PLPPR1: variants seen among roughly 807,000 people sequenced by gnomAD.
PLPPR1 encodes phospholipid phosphatase-related protein type 1.
In PLPPR1, 10 loss-of-function variants were observed where a neutral mutation model predicts 33.1. The ratio of observed to expected loss-of-function variants is 0.30; its 90% CI spans 0.19 to 0.51. PLPPR1 has a LOEUF of 0.51. Ranked by LOEUF, PLPPR1 falls within the 20% of genes least tolerant of loss-of-function variation. The pLI is 0.97. For synonymous variants in PLPPR1, 151 were observed against 151.0 expected (o/e 1.00, Z 0.00); for missense variants, 304 against 408.1 (o/e 0.74, Z 2.20).
At chr9:101,214,883 C>T (rs1010009378) in intron 2 of PLPPR1, among the ~76,000 whole-genome samples, 1 of 151,872 alleles carries the variant, frequency 6.6e-6, no homozygotes, top group African/African-American at 2.4e-5. Flanking sequence ...CTTAGCCAGG[C>T]ATGGTGGCAG....
intron 3 of PLPPR1, among the ~76,000 whole-genome samples, chr9:101,280,985 C>T (rs1324039261): frequency 6.6e-6 from 1 of 151,942 alleles, no homozygotes; most frequent in Non-Finnish European, 1.5e-5. Context: ...AATTATCCTT[C>T]CTTGCAGACT....
intron 6 of PLPPR1, among the ~76,000 whole-genome samples, chr9:101,314,409 CATTG>C (rs1829014918): frequency 2.0e-5 from 3 of 152,276 alleles, no homozygotes; most frequent in South Asian, 4.1e-4. Context: ...ACATTCAGAA[CATTG>C]ATTGGGAAGC....
chr9:101,141,582 C>A (rs1408921956), intron 1 of PLPPR1, among the ~76,000 whole-genome samples: 1 of 152,100 alleles, frequency 6.6e-6, no homozygotes, highest in East Asian at 1.9e-4. Context: ...CAGGAGGATT[C>A]TATGTTGTAT....
intron 2 of PLPPR1, among the ~76,000 whole-genome samples, chr9:101,254,049 C>T (rs1473209270): frequency 1.3e-5 from 2 of 151,828 alleles, no homozygotes; most frequent in African/African-American, 4.8e-5. Context: ...ACCAGCAGTC[C>T]CCAACATTTT....
intron 2 of PLPPR1, among the ~76,000 whole-genome samples, chr9:101,230,003 T>C (rs781315809): frequency 5.9e-5 from 9 of 152,156 alleles, no homozygotes; most frequent in Non-Finnish European, 1.2e-4. Context: ...ACTACTGCTG[T>C]AAAAATCAGT....
chr9:101,252,135 A>G (rs1827724032), intron 2 of PLPPR1, among the ~76,000 whole-genome samples: 2 of 152,164 alleles, frequency 1.3e-5, no homozygotes, highest in Admixed American at 1.3e-4. Flanking sequence ...GCCAGTAGCT[A>G]TGTATGGCCA....
chr9:101,313,464 A>G (rs1452507882), intron 6 of PLPPR1, among the ~76,000 whole-genome samples: 1 of 151,924 alleles, frequency 6.6e-6, no homozygotes, highest in Middle Eastern at 3.2e-3. Flanking sequence ...AATTTTAAAA[A>G]CCCTGCAGAT....
chr9:101,073,313 T>C (rs1180884597), intron 1 of PLPPR1, among the ~76,000 whole-genome samples: 1 of 152,156 alleles, frequency 6.6e-6, no homozygotes, highest in African/African-American at 2.4e-5. Context: ...ATGTGTTTTG[T>C]TTCAATGACT....
At chr9:101,193,707 C>CTTTT (rs1366476150) in intron 2 of PLPPR1, among the ~76,000 whole-genome samples, 9 of 151,888 alleles carry the variant, frequency 5.9e-5, no homozygotes, top group Non-Finnish European at 1.2e-4. Flanking sequence ...TAATATTGAC[C>CTTTT]CTATGCAATA....
At chr9:101,172,161 T>C (rs1825952053) in intron 1 of PLPPR1, among the ~76,000 whole-genome samples, 1 of 152,080 alleles carries the variant, frequency 6.6e-6, no homozygotes, top group African/African-American at 2.4e-5. Context: ...GAACTCATAT[T>C]AGAGATGCCT....
intron 1 of PLPPR1, among the ~76,000 whole-genome samples, chr9:101,113,225 C>G (rs1353894927): frequency 6.7e-6 from 1 of 149,164 alleles, no homozygotes; most frequent in African/African-American, 2.5e-5. Flanking sequence ...TTTTTTTAAC[C>G]CTGGAGGATG....
intron 1 of PLPPR1, among the ~76,000 whole-genome samples, chr9:101,100,012 GA>G (rs1047586083): frequency 1.3e-5 from 2 of 152,004 alleles, no homozygotes; most frequent in Non-Finnish European, 2.9e-5. Flanking sequence ...ATAGATTTGG[GA>G]AAAAAATGTG....
At chr9:101,068,498 G>A (rs577261311) in intron 1 of PLPPR1, among the ~76,000 whole-genome samples, 3 of 151,910 alleles carry the variant, frequency 2.0e-5, no homozygotes, top group Non-Finnish European at 2.9e-5. Context: ...TTGCTAACCA[G>A]GCCTGGTAGG....
At chr9:101,080,837 TA>T (rs1489397289) in intron 1 of PLPPR1, among the ~76,000 whole-genome samples, 1 of 152,180 alleles carries the variant, frequency 6.6e-6, no homozygotes, top group Non-Finnish European at 1.5e-5. Flanking sequence ...CAGGTTCTAC[TA>T]AGATGGAGAA....
chr9:101,078,010 T>G (rs2118502637), intron 1 of PLPPR1, among the ~76,000 whole-genome samples: 1 of 146,088 alleles, frequency 6.8e-6, no homozygotes, highest in East Asian at 2.0e-4. Flanking sequence ...GGCCGATAGG[T>G]GAAAAGTAGA....
chr9:101,074,490 C>T (rs1321657746), intron 1 of PLPPR1, among the ~76,000 whole-genome samples: 2 of 152,092 alleles, frequency 1.3e-5, no homozygotes, highest in Non-Finnish European at 2.9e-5. Context: ...AAATATTCTT[C>T]CCTTTGAATA....
intron 1 of PLPPR1, among the ~76,000 whole-genome samples, chr9:101,044,739 G>A (rs944925883): frequency 2.0e-5 from 3 of 152,150 alleles, no homozygotes; most frequent in Non-Finnish European, 2.9e-5. Context: ...AGATGGAAAT[G>A]CATGTGCTGG....
chr9:101,211,691 GATTT>G (rs899439909), intron 2 of PLPPR1, among the ~76,000 whole-genome samples: 10 of 152,190 alleles, frequency 6.6e-5, no homozygotes, highest in Admixed American at 5.9e-4. Flanking sequence ...TCTTCTGGGA[GATTT>G]ATTATTAATG....
intron 2 of PLPPR1, among the ~76,000 whole-genome samples, chr9:101,266,455 G>GT (rs1218010004): frequency 6.6e-6 from 1 of 151,456 alleles, no homozygotes; most frequent in Admixed American, 6.6e-5. Flanking sequence ...ACAAGGAAGA[G>GT]TTTCTGGCTT....
Sources: allele counts gnomAD v4.1 joint callset (sites outside exome capture counted in the v4.1 genomes callset), GRCh38; gene constraint gnomAD v4.1.1; transcripts MANE v1.5; gene names NCBI Gene and HGNC (gene_info 2026-07-23, HGNC 2026-07-21).